The following FBXW7 variants were observed in gnomAD, a reference collection of about 807,000 sequenced individuals.
FBXW7 encodes the protein F-box and WD repeat domain containing 7.
A neutral mutation model predicts 86.3 loss-of-function variants in FBXW7; 11 were observed. The observed-to-expected ratio is 0.13, with a 90% confidence interval of 0.08 to 0.21. The LOEUF (loss-of-function observed/expected upper bound fraction) is 0.21. FBXW7 is among the 10% of genes least tolerant of loss of function. The pLI, the probability that FBXW7 is intolerant of heterozygous loss-of-function variation, is 1.00. For synonymous variants in FBXW7, 313 were observed against 297.9 expected (o/e 1.05, Z -0.52); for missense variants, 488 against 847.4 (o/e 0.58, Z 5.27).
intron 2 of FBXW7, among the ~76,000 whole-genome samples, chr4:152,456,391 C>T (rs1463346398): frequency 7.2e-6 from 1 of 139,002 alleles, no homozygotes; most frequent in African/African-American, 2.7e-5. Context: ...AAAAAAACAG[C>T]CAAGTGTTGT....
At chr4:152,387,689 G>GAAAAAAAAC (rs1286276676) in intron 4 of FBXW7, among the ~76,000 whole-genome samples, 2 of 119,870 alleles carry the variant, frequency 1.7e-5, no homozygotes, top group African/African-American at 6.1e-5. Context: ...GGGCATCAAA[G>GAAAAAAAAC]AAAAAAAACA....
intron 4 of FBXW7, among the ~76,000 whole-genome samples, chr4:152,365,443 A>G (rs1038394240): frequency 6.6e-6 from 1 of 152,212 alleles, no homozygotes; most frequent in Non-Finnish European, 1.5e-5. Context: ...TTATTCCACT[A>G]GACCAGGCAA....
chr4:152,348,651 A>G lies in FBXW7; in HGVS notation c.584+1391T>C, dbSNP rs750869427. On this transcript the variant is annotated intron_variant, in intron 5 of 13. Transcript: ENST00000281708. ...CACTCATTTATTCTAAGCTGCCTTAAAAACAAGTGAACAATGTAATACCTT... is the reference window on the plus strand; with the variant it reads ...CACTCATTTATTCTAAGCTGCCTTAGAAACAAGTGAACAATGTAATACCTT... 7 of 892,348 alleles carry G rather than the reference A, an allele frequency of 7.8e-6. No individual in the cohort carries two copies. In the South Asian group the frequency reaches 1.2e-4, roughly 15 times the overall value. 55.3% of individuals were successfully genotyped at this position (892,348 alleles called of 1,614,324 possible).
intron 2 of FBXW7, among the ~76,000 whole-genome samples, chr4:152,533,514 G>C (rs897314833): frequency 6.6e-6 from 1 of 152,014 alleles, no homozygotes; most frequent in African/African-American, 2.4e-5. Flanking sequence ...AGCATAACAA[G>C]GCAACTAAAG....
intron 4 of FBXW7, among the ~76,000 whole-genome samples, chr4:152,380,380 TAGTCAG>T (rs1353906553): frequency 6.6e-6 from 1 of 152,084 alleles, no homozygotes; most frequent in Non-Finnish European, 1.5e-5. Context: ...ATATTTCTAG[TAGTCAG>T]AGTCAATGAG....
chr4:152,493,031 C>T (rs1251779443), intron 2 of FBXW7, among the ~76,000 whole-genome samples: 4 of 151,354 alleles, frequency 2.6e-5, no homozygotes, highest in Admixed American at 2.6e-4. Context: ...GCAGAAAATA[C>T]CAAAGGACCA....
intron 2 of FBXW7, among the ~76,000 whole-genome samples, chr4:152,496,675 A>G (rs1009631196): frequency 1.4e-4 from 21 of 152,080 alleles, no homozygotes; most frequent in African/African-American, 5.1e-4. Flanking sequence ...AAGAAAAAGA[A>G]AAAAGAAAAA....
At chr4:152,518,816 T>C (rs1240776064) in intron 2 of FBXW7, among the ~76,000 whole-genome samples, 1 of 152,166 alleles carries the variant, frequency 6.6e-6, no homozygotes, top group African/African-American at 2.4e-5. Context: ...AAAATTATTT[T>C]AAATATCCTA....
Position 152,347,197 on chromosome 4 carries a change from T to C in FBXW7, c.585-126A>G, listed in dbSNP as rs1477456039. 3 of 794,950 alleles carry C rather than the reference T, an allele frequency of 3.8e-6. No individual in the cohort carries two copies. The Admixed American group carries it at 9.2e-5, about 24-fold the overall frequency. The allele number at this position is 794,950 out of a possible 1,614,324, so 49.2% of individuals were successfully genotyped here. On this transcript the variant is annotated intron_variant, in intron 5 of 13. Coordinates refer to ENST00000281708, the MANE Select transcript of FBXW7 (RefSeq NM_001349798.2). ...ATGATGATCTGGCATATTTCAAACA[T>C]CAATTAATTACCTTTCTTCCCAGAG...
intron 2 of FBXW7, among the ~76,000 whole-genome samples, chr4:152,488,107 A>G (rs903449954): frequency 2.6e-5 from 4 of 152,054 alleles, no homozygotes; most frequent in African/African-American, 9.7e-5. Flanking sequence ...GGAGAATTGA[A>G]AGTTTGACTA....
chr4:152,424,883 A>T (rs186820151), intron 2 of FBXW7, among the ~76,000 whole-genome samples: 1 of 152,352 alleles, frequency 6.6e-6, no homozygotes, highest in Admixed American at 6.5e-5. Context: ...AAATAAAGCT[A>T]ACGTTCACTT....
At chr4:152,512,283 GAC>G (rs1387708072) in intron 2 of FBXW7, among the ~76,000 whole-genome samples, 1 of 152,036 alleles carries the variant, frequency 6.6e-6, no homozygotes, top group Non-Finnish European at 1.5e-5. Flanking sequence ...ACATATTTTA[GAC>G]ACAGTAAACA....
In FBXW7 at chr4:152,321,732, C is replaced by CATA. The variant is rs1560751772; in HGVS notation, c.*1148_*1149insTAT. ...TTTATATATTTTTAAAATATTTTGT[C>CATA]AGTTTTACGATGTACGTTCATCCAT... On this transcript the variant is annotated 3_prime_UTR_variant, in exon 14 of 14. Transcript: ENST00000281708. 2 of 232,782 alleles carry CATA rather than the reference C, an allele frequency of 8.6e-6. No individual in the cohort carries two copies. The highest frequency in any genetic ancestry group is 5.6e-5 in the Admixed American group (1 of 17,740). 14.4% of individuals were successfully genotyped at this position (232,782 alleles called of 1,614,324 possible).
intron 4 of FBXW7, among the ~76,000 whole-genome samples, chr4:152,389,256 C>T (rs1735793044): frequency 6.6e-6 from 1 of 152,028 alleles, no homozygotes; most frequent in African/African-American, 2.4e-5. Context: ...ATAGAACTAT[C>T]ATTTGATCCA....
Position 152,435,653 on chromosome 4 carries a change from T to C in FBXW7, c.-119-23124A>G, listed in dbSNP as rs1038706766. Among the ~76,000 whole-genome samples the C allele has an allele frequency of 1.3e-5, 2 of 152,218 alleles. 1 individual carries two copies. Among genetic ancestry groups the C allele is most frequent in the South Asian group, 4.1e-4 (2 of 4,832 alleles). ...TGATACTTGTCAGTGCTCTTCTGAG[T>C]AGACGATTTTTTTTCTGCGGGTTTG... On this transcript the variant is annotated intron_variant, in intron 2 of 13. Coordinates refer to ENST00000281708, the MANE Select transcript of FBXW7 (RefSeq NM_001349798.2).
rs913806917 is a variant in FBXW7 at position 152,438,171 on chromosome 4, C to CAATA, written c.-119-25646_-119-25643dup. On this transcript the variant is annotated intron_variant, in intron 2 of 13. Coordinates refer to ENST00000281708, the MANE Select transcript of FBXW7 (RefSeq NM_001349798.2). ...CCTGGGCAACAGAGCAAGACTGTCT[C>CAATA]AATAAATAAATAAATAGTAAAGTAT... 2.6e-5 allele frequency among the ~76,000 whole-genome samples: 4 copies of CAATA among 152,004 alleles called. No individual in the cohort carries two copies. In the East Asian group the frequency reaches 5.8e-4, roughly 22 times the overall value.
At chr4:152,404,559 T>C (rs1737241311) in intron 4 of FBXW7, among the ~76,000 whole-genome samples, 1 of 152,220 alleles carries the variant, frequency 6.6e-6, no homozygotes, top group Non-Finnish European at 1.5e-5. Context: ...TTAAATAAAA[T>C]ATTTTTAAGC....
rs1369999390 is a variant in FBXW7, at chr4:152,352,600, T to C, written c.502-2476A>G. The C allele has an allele frequency of 6.2e-7, 1 of 1,613,858 alleles. No individual in the cohort carries two copies. The highest frequency in any genetic ancestry group is 1.1e-5 in the South Asian group (1 of 91,074). On this transcript the variant is annotated intron_variant, in intron 4 of 13. Coordinates refer to ENST00000281708, the MANE Select transcript of FBXW7 (RefSeq NM_001349798.2). Reference sequence around the variant, plus strand: ...ACAATATAAACCTTTTTCAGGTAGGTATGTCACAGATTCTAATGTGGACAT... The same window carrying C: ...ACAATATAAACCTTTTTCAGGTAGGCATGTCACAGATTCTAATGTGGACAT...
At chr4:152,439,085 G>A (rs1432091331) in intron 2 of FBXW7, among the ~76,000 whole-genome samples, 1 of 152,156 alleles carries the variant, frequency 6.6e-6, no homozygotes, top group Non-Finnish European at 1.5e-5. Flanking sequence ...AATACATGAT[G>A]ACCTTAAGAA....
Sources: gnomAD v4.1 joint callset for allele counts (sites outside exome capture counted in the v4.1 genomes callset) on GRCh38, gnomAD v4.1.1 for gene constraint, MANE v1.5 for transcripts, NCBI Gene and HGNC (gene_info 2026-07-23, HGNC 2026-07-21) for gene names.